SULT4A1: variants seen among roughly 807,000 people sequenced by gnomAD.
SULT4A1 encodes sulfotransferase 4A1.
In SULT4A1, 11 loss-of-function variants were observed where a neutral mutation model predicts 35.2. That is an observed-to-expected ratio of 0.31 (90% CI 0.20 to 0.52). SULT4A1 has a LOEUF of 0.52. Among genes scored for constraint, SULT4A1 ranks in the 20% least tolerant of loss-of-function variants. SULT4A1 has a pLI of 0.97. For synonymous variants in SULT4A1, 152 were observed against 151.8 expected, an observed-to-expected ratio of 1.00 and a Z score of -0.01; for missense variants, 271 against 383.7, an observed-to-expected ratio of 0.71 and a Z score of 2.45.
At chr22:43,842,526 G>A (rs966189952) in intron 1 of SULT4A1, among the ~76,000 whole-genome samples, 2 of 152,106 alleles carry the variant, frequency 1.3e-5, no homozygotes, top group African/African-American at 4.8e-5. Flanking sequence ...TCACCATGGT[G>A]TACTACACAG....
At chr22:43,844,312 G>C (rs1241811860) in intron 1 of SULT4A1, among the ~76,000 whole-genome samples, 1 of 152,238 alleles carries the variant, frequency 6.6e-6, no homozygotes, top group East Asian at 1.9e-4. Context: ...GGCAAGCCCA[G>C]CGTGCCGTGC....
intron 5 of SULT4A1, among the ~76,000 whole-genome samples, chr22:43,832,749 G>A (rs1223653781): frequency 6.6e-6 from 1 of 152,148 alleles, no homozygotes; most frequent in Non-Finnish European, 1.5e-5. Flanking sequence ...TCACAGCCAG[G>A]TCTGGCGTCT....
At chr22:43,852,207 G>C (rs2049349315) in intron 1 of SULT4A1, among the ~76,000 whole-genome samples, 1 of 152,098 alleles carries the variant, frequency 6.6e-6, no homozygotes, top group African/African-American at 2.4e-5. Context: ...TTTGGAGGCA[G>C]GGTCTCTCTC....
At chr22:43,861,034 C>G (rs938581161) in intron 1 of SULT4A1, among the ~76,000 whole-genome samples, 3 of 152,162 alleles carry the variant, frequency 2.0e-5, no homozygotes, top group African/African-American at 7.2e-5. Context: ...TAATGAGTGG[C>G]CACAGAAGCC....
At chr22:43,861,725 A>T (rs536445676) in intron 1 of SULT4A1, among the ~76,000 whole-genome samples, 2 of 152,316 alleles carry the variant, frequency 1.3e-5, no homozygotes, top group South Asian at 4.1e-4. Context: ...CCCGGAGCCC[A>T]GGCTGGAAAG....
intron 5 of SULT4A1, among the ~76,000 whole-genome samples, chr22:43,832,027 G>C (rs2148278972): frequency 6.6e-6 from 1 of 152,334 alleles, no homozygotes; most frequent in Middle Eastern, 3.4e-3. Context: ...ACTTTACAGA[G>C]GCTTGGGGTG....
At chr22:43,829,304 CCTTA>C (rs1228108404) in intron 5 of SULT4A1, 106 bp from the exon 6 acceptor site, 40 of 1,275,924 alleles carry the variant, frequency 3.1e-5, no homozygotes, top group Non-Finnish European at 4.1e-5. Context: ...ACACGGCCTT[CCTTA>C]CTTAATGCTC....
intron 5 of SULT4A1, among the ~76,000 whole-genome samples, chr22:43,830,679 C>A (rs995149645): frequency 1.3e-5 from 2 of 152,216 alleles, no homozygotes; most frequent in African/African-American, 4.8e-5. Context: ...CTGGTGAGAA[C>A]ACCCTGCAAG....
At chr22:43,854,627 G>A (rs2049380998) in intron 1 of SULT4A1, among the ~76,000 whole-genome samples, 1 of 152,130 alleles carries the variant, frequency 6.6e-6, no homozygotes, top group South Asian at 2.1e-4. Context: ...TTCCCACCTG[G>A]CCACAGAGGA....
rs2049486064 is a variant in SULT4A1, at chr22:43,862,457, G to GCCCC, written c.-76_-75insGGGG. 1.3e-6 allele frequency: 1 copy of GCCCC among 747,038 alleles called. No homozygotes were observed. The highest frequency in any genetic ancestry group is 1.5e-4 in the East Asian group (1 of 6,536). The allele number at this position is 747,038 out of a possible 1,614,324, so 46.3% of individuals were successfully genotyped here. A position where few individuals can be genotyped will look rare whatever the true frequency, so the allele number is the denominator to read the frequency against. ...CGCGCCCGCGCCCGCGCCCGCGCCC[G>GCCCC]CGCCCCGCACACGCTCGCGCCCCAC... On this transcript the variant is annotated 5_prime_UTR_variant, in exon 1 of 7. Coordinates refer to ENST00000330884, the MANE Select transcript of SULT4A1 (RefSeq NM_014351.4).
intron 1 of SULT4A1, among the ~76,000 whole-genome samples, chr22:43,851,377 T>C (rs373807509): frequency 1.2e-4 from 19 of 152,316 alleles, no homozygotes; most frequent in East Asian, 1.2e-3. Context: ...TTCTCGGAGT[T>C]CTTTTTTCTG....
Position 43,862,481 on chromosome 22 carries a change from A to G in SULT4A1, c.-99T>C. ...CGCGCCCCGCACACGCTCGCGCCCC[A>G]CCGGCGCGCGGCGGCAGCTCCGCAG... On this transcript the variant is annotated 5_prime_UTR_variant, in exon 1 of 7. Coordinates refer to ENST00000330884, the MANE Select transcript of SULT4A1 (RefSeq NM_014351.4). The G allele has an allele frequency of 2.1e-6, 2 of 945,008 alleles. No homozygotes were observed. The highest frequency in any genetic ancestry group is 2.5e-6 in the Non-Finnish European group (2 of 799,264). 58.5% of individuals were successfully genotyped at this position (945,008 alleles called of 1,614,324 possible).
At chr22:43,826,747 A>T in intron 6 of SULT4A1, 3 of 985,474 alleles carry the variant, frequency 3.0e-6, no homozygotes, top group Non-Finnish European at 3.6e-6. Flanking sequence ...ATTTAAAGTG[A>T]ATCAAATAGT....
intron 1 of SULT4A1, among the ~76,000 whole-genome samples, chr22:43,850,559 G>T (rs780332196): frequency 6.6e-6 from 1 of 152,228 alleles, no homozygotes. Flanking sequence ...GTGGGTGTTC[G>T]CTCGATCCTG....
chr22:43,826,795 A>G (rs1342012725), intron 6 of SULT4A1: 1 of 985,452 alleles, frequency 1.0e-6, no homozygotes, highest in Non-Finnish European at 1.2e-6. Context: ...GATGCAAAAC[A>G]TGCACTGCAG....
chr22:43,828,752 C>A (rs937848615), intron 6 of SULT4A1: 2 of 333,444 alleles, frequency 6.0e-6, no homozygotes, highest in Admixed American at 4.8e-5. Context: ...TGATTTCAGG[C>A]CATCTGAGTA....
intron 1 of SULT4A1, among the ~76,000 whole-genome samples, chr22:43,843,179 C>A (rs2063447805): frequency 6.6e-6 from 1 of 152,268 alleles, no homozygotes; most frequent in South Asian, 2.1e-4. Context: ...CTATGGGAGG[C>A]CAAACCGGGA....
chr22:43,830,350 A>G (rs1014849248), intron 5 of SULT4A1, among the ~76,000 whole-genome samples: 2 of 152,248 alleles, frequency 1.3e-5, no homozygotes, highest in Non-Finnish European at 2.9e-5. Context: ...TGGAGCGTTC[A>G]GCAGAATCCT....
chr22:43,846,471 C>A (rs2063477785), intron 1 of SULT4A1, among the ~76,000 whole-genome samples: 1 of 152,162 alleles, frequency 6.6e-6, no homozygotes, highest in Non-Finnish European at 1.5e-5. Flanking sequence ...CCTGAGTGGA[C>A]CGACAAACGC....
Sources: gnomAD v4.1 joint callset for allele counts (sites outside exome capture counted in the v4.1 genomes callset) on GRCh38, gnomAD v4.1.1 for gene constraint, MANE v1.5 for transcripts, NCBI Gene and HGNC (gene_info 2026-07-23, HGNC 2026-07-21) for gene names.